The following GRIP1 variants were observed in gnomAD, a reference collection of about 807,000 sequenced individuals.
GRIP1 encodes the protein glutamate receptor interacting protein 1.
A neutral mutation model predicts 129.9 loss-of-function variants in GRIP1; 45 were observed. That is an observed-to-expected ratio of 0.35 (90% CI 0.27 to 0.44). GRIP1 has a LOEUF of 0.44. Among genes scored for constraint, GRIP1 ranks in the 20% least tolerant of loss-of-function variants. GRIP1 has a pLI of 1.00. For missense variants in GRIP1, 1,196 were observed against 1,396.8 expected (o/e 0.86, Z 2.29); for synonymous variants, 530 against 520.8 (o/e 1.02, Z -0.24).
intron 7 of GRIP1, among the ~76,000 whole-genome samples, chr12:66,479,711 CT>C (rs1263464670): frequency 6.6e-6 from 1 of 152,132 alleles, no homozygotes; most frequent in East Asian, 1.9e-4. Context: ...ACATCAAAAG[CT>C]TATCCACAAT....
rs369012044 is a variant in GRIP1, at chr12:66,366,327, G to C, written c.3012+5367C>G. 5.3e-4 allele frequency among the ~76,000 whole-genome samples: 80 copies of C among 152,262 alleles called. No homozygotes were observed. The Middle Eastern group carries it at 0.014, about 26-fold the overall frequency. ...CAGAGAGATATTGCAAAAGAAGCTG[G>C]TATTATACACATTGAAAATGACACT... On this transcript the variant is annotated intron_variant, in intron 23 of 24. Transcript: ENST00000359742.
intron 2 of GRIP1, among the ~76,000 whole-genome samples, chr12:66,581,409 C>T (rs1016271905): frequency 6.6e-6 from 1 of 150,654 alleles, no homozygotes; most frequent in South Asian, 2.1e-4. Flanking sequence ...AAAATCAGAG[C>T]AGAATTGAAG....
chr12:67,000,092 A>T (rs748901111), intron 1 of GRIP1, among the ~76,000 whole-genome samples: 7 of 152,156 alleles, frequency 4.6e-5, no homozygotes, highest in Non-Finnish European at 1.0e-4. Flanking sequence ...CTCTTTTCAC[A>T]TGTTTATTGT....
At chr12:66,580,161 T>G (rs1296481702) in intron 2 of GRIP1, among the ~76,000 whole-genome samples, 21 of 146,322 alleles carry the variant, frequency 1.4e-4, no homozygotes, top group Non-Finnish European at 2.7e-4. Context: ...CAAACTAAGC[T>G]TCATAAGTGA....
At chr12:66,924,685 C>T (rs1221424815) in intron 1 of GRIP1, among the ~76,000 whole-genome samples, 7 of 151,986 alleles carry the variant, frequency 4.6e-5, no homozygotes, top group African/African-American at 7.2e-5. Flanking sequence ...ATTAATAGAG[C>T]GGCCAGGCAC....
intron 19 of GRIP1, among the ~76,000 whole-genome samples, chr12:66,390,663 C>T (rs942673649): frequency 2.6e-5 from 4 of 152,096 alleles, no homozygotes; most frequent in Non-Finnish European, 5.9e-5. Context: ...AGCACCCTCA[C>T]AAAAATCTCT....
At chr12:66,978,273 G>A (rs1313173539) in intron 1 of GRIP1, among the ~76,000 whole-genome samples, 1 of 152,056 alleles carries the variant, frequency 6.6e-6, no homozygotes, top group African/African-American at 2.4e-5. Context: ...TAGAAGCAAG[G>A]AATTTTTTTT....
chr12:66,891,045 AAT>A (rs1486034851), intron 1 of GRIP1, among the ~76,000 whole-genome samples: 8 of 152,218 alleles, frequency 5.3e-5, no homozygotes, highest in African/African-American at 1.4e-4. Context: ...TTTAAACAGC[AAT>A]TTTATAATTG....
chr12:67,027,547 T>C (rs2042958359), intron 1 of GRIP1, among the ~76,000 whole-genome samples: 1 of 152,326 alleles, frequency 6.6e-6, no homozygotes, highest in South Asian at 2.1e-4. Context: ...GAGTTCATAG[T>C]CTAATAGGCG....
intron 1 of GRIP1, among the ~76,000 whole-genome samples, chr12:67,001,961 A>G (rs919491908): frequency 6.6e-6 from 1 of 152,120 alleles, no homozygotes; most frequent in African/African-American, 2.4e-5. Context: ...GAAGAAGAAG[A>G]GTATGTTCAC....
rs1257898442 is a variant in GRIP1, at chr12:67,030,455, A to G, written c.58+38595T>C. Reference sequence around the variant, plus strand: ...CTCAAGCAATGAGGTCTGTACAAGAAAGATCAAAAATAGCCACTTAACACG... The same window carrying G: ...CTCAAGCAATGAGGTCTGTACAAGAGAGATCAAAAATAGCCACTTAACACG... On this transcript the variant is annotated intron_variant, in intron 1 of 1. Transcript: ENST00000643019. 1.3e-5 allele frequency among the ~76,000 whole-genome samples: 2 copies of G among 152,128 alleles called. 1 individual carries two copies. Among genetic ancestry groups the G allele is most frequent in the South Asian group, 4.1e-4 (2 of 4,822 alleles).
intron 1 of GRIP1, among the ~76,000 whole-genome samples, chr12:66,670,913 G>A (rs2034049486): frequency 1.3e-5 from 2 of 152,062 alleles, no homozygotes; most frequent in Non-Finnish European, 2.9e-5. Flanking sequence ...CCTTCTAGCA[G>A]CTGAGTAAAA....
chr12:66,728,979 T>C (rs1200212991), intron 1 of GRIP1, among the ~76,000 whole-genome samples: 2 of 151,898 alleles, frequency 1.3e-5, no homozygotes, highest in East Asian at 1.9e-4. Context: ...ATCCCAAACA[T>C]CCAATCACTC....
intron 24 of GRIP1, among the ~76,000 whole-genome samples, chr12:66,349,715 C>T (rs759778932): frequency 5.9e-5 from 9 of 152,160 alleles, no homozygotes; most frequent in Non-Finnish European, 1.3e-4. Context: ...GGTGCAGTGG[C>T]TCACACCTGT....
In GRIP1 at chr12:66,965,234, T is replaced by C. The variant is rs555155270; in HGVS notation, c.58+103816A>G. 3.2e-4 allele frequency among the ~76,000 whole-genome samples: 48 copies of C among 152,228 alleles called. No homozygotes were observed. In the East Asian group the frequency reaches 8.3e-3, roughly 26 times the overall value. On this transcript the variant is annotated intron_variant, in intron 1 of 1. Coordinates refer to the GRIP1 transcript ENST00000643019. ...AAATGCAAGATACCATATCCTTCAATCAGTAAATACTCCTTCAACATCTTT... is the reference window on the plus strand; with the variant it reads ...AAATGCAAGATACCATATCCTTCAACCAGTAAATACTCCTTCAACATCTTT...
intron 15 of GRIP1, among the ~76,000 whole-genome samples, chr12:66,418,569 C>T (rs563417272): frequency 1.7e-4 from 26 of 152,156 alleles, no homozygotes; most frequent in Admixed American, 1.4e-3. Context: ...CCAGAATATA[C>T]ATGGAGCTCA....
chr12:66,657,593 A>C (rs2033240594), intron 1 of GRIP1, among the ~76,000 whole-genome samples: 1 of 152,210 alleles, frequency 6.6e-6, no homozygotes, highest in Admixed American at 6.5e-5. Flanking sequence ...TTAGAAAGTA[A>C]TGTTATTAGA....
At chr12:66,750,496 C>T (rs895498997) in intron 1 of GRIP1, among the ~76,000 whole-genome samples, 1 of 152,162 alleles carries the variant, frequency 6.6e-6, no homozygotes, top group Non-Finnish European at 1.5e-5. Flanking sequence ...CCCCTGGCTA[C>T]TTTAGTCTAC....
chr12:67,004,822 T>C (rs2042603854), intron 1 of GRIP1, among the ~76,000 whole-genome samples: 1 of 152,142 alleles, frequency 6.6e-6, no homozygotes, highest in Non-Finnish European at 1.5e-5. Context: ...ACTGAATGAA[T>C]ATAGAGTATA....
Sources: allele counts gnomAD v4.1 joint callset (sites outside exome capture counted in the v4.1 genomes callset), GRCh38; gene constraint gnomAD v4.1.1; transcripts MANE v1.5; gene names NCBI Gene and HGNC (gene_info 2026-07-23, HGNC 2026-07-21).